PUM2: variants seen among roughly 807,000 people sequenced by gnomAD.
PUM2 encodes the protein pumilio RNA binding family member 2, also known as pumilio homolog 2.
Under a neutral mutation model 124.5 loss-of-function variants are expected in PUM2, and 57 were observed. The observed-to-expected ratio is 0.46, with a 90% CI of 0.37 to 0.57. The LOEUF is 0.57. Ranked by LOEUF, PUM2 falls within the 20% of genes least tolerant of loss-of-function variation. The pLI is 0.00. For synonymous variants in PUM2, 460 were observed against 446.1 expected (o/e 1.03, Z -0.39); for missense variants, 1,065 against 1,290.6 (o/e 0.83, Z 2.68).
At chr2:20,286,292 G>A (rs1249980199) in intron 10 of PUM2, among the ~76,000 whole-genome samples, 1 of 152,222 alleles carries the variant, frequency 6.6e-6, no homozygotes, top group Non-Finnish European at 1.5e-5. Context: ...AGAAGTGACA[G>A]TAGAAAGGTA....
chr2:20,303,740 C>A (rs964288756), intron 7 of PUM2, among the ~76,000 whole-genome samples: 2 of 152,136 alleles, frequency 1.3e-5, no homozygotes, highest in East Asian at 1.9e-4. Context: ...CGTTTTATAT[C>A]CTAATTCATT....
At chr2:20,263,045 A>G in intron 14 of PUM2, 148 bp downstream of exon 14, 1 of 723,886 alleles carries the variant, frequency 1.4e-6, no homozygotes, top group Non-Finnish European at 2.1e-6. Context: ...TTATCCTAAC[A>G]TGAAAGAAAA....
intron 2 of PUM2, among the ~76,000 whole-genome samples, chr2:20,324,242 C>A (rs1387538953): frequency 6.6e-6 from 1 of 152,110 alleles, no homozygotes; most frequent in Non-Finnish European, 1.5e-5. Flanking sequence ...AGGGAGAGAT[C>A]TAGGAGAAAA....
At chr2:20,302,262 A>T (rs1389594435) in intron 7 of PUM2, among the ~76,000 whole-genome samples, 3 of 152,202 alleles carry the variant, frequency 2.0e-5, no homozygotes, top group Non-Finnish European at 4.4e-5. Flanking sequence ...ATTATTTTCC[A>T]GGAAAACTGT....
At chr2:20,280,896 G>A (rs1229821250) in intron 12 of PUM2, among the ~76,000 whole-genome samples, 1 of 152,102 alleles carries the variant, frequency 6.6e-6, no homozygotes, top group East Asian at 1.9e-4. Flanking sequence ...TATATGTTAC[G>A]ATGTTTAGGC....
intron 2 of PUM2, among the ~76,000 whole-genome samples, chr2:20,321,503 A>C (rs1182189064): frequency 6.6e-6 from 1 of 152,152 alleles, no homozygotes; most frequent in Admixed American, 6.5e-5. Flanking sequence ...ATATTCTAAA[A>C]ACTATTTGCT....
intron 7 of PUM2, among the ~76,000 whole-genome samples, chr2:20,303,215 T>A (rs574131250): frequency 6.6e-6 from 1 of 152,296 alleles, no homozygotes; most frequent in Admixed American, 6.5e-5. Context: ...TTCTACTGCA[T>A]CAGGCAGTGA....
intron 13 of PUM2, among the ~76,000 whole-genome samples, chr2:20,264,193 C>A (rs1456101527): frequency 6.7e-6 from 1 of 149,892 alleles, no homozygotes; most frequent in African/African-American, 2.4e-5. Flanking sequence ...AAAAATTAGC[C>A]AGGCGTGGTG....
chr2:20,312,167 A>C, intron 4 of PUM2, 69 bp downstream of exon 4: 5 of 1,377,620 alleles, frequency 3.6e-6, no homozygotes, highest in Non-Finnish European at 4.9e-6. Flanking sequence ...AATTGAATTA[A>C]AAATAAAAGT....
intron 10 of PUM2, among the ~76,000 whole-genome samples, chr2:20,289,192 C>T (rs905372349): frequency 5.3e-5 from 8 of 152,030 alleles, no homozygotes; most frequent in African/African-American, 1.9e-4. Context: ...AGTAATAGGG[C>T]CAGCATCAAG....
intron 1 of PUM2, among the ~76,000 whole-genome samples, chr2:20,328,375 G>A (rs922100301): frequency 2.0e-4 from 31 of 151,956 alleles, no homozygotes; most frequent in African/African-American, 7.3e-4. Context: ...CTCCACATTC[G>A]CCAAAGAAAC....
At chr2:20,269,229 G>A (rs567079218) in intron 13 of PUM2, among the ~76,000 whole-genome samples, 1 of 151,912 alleles carries the variant, frequency 6.6e-6, no homozygotes, top group East Asian at 1.9e-4. Flanking sequence ...GAGACGGAGT[G>A]CCACTCTGTC....
At chr2:20,317,030 CAG>C (rs1306921411) in intron 3 of PUM2, among the ~76,000 whole-genome samples, 1 of 151,136 alleles carries the variant, frequency 6.6e-6, no homozygotes, top group Admixed American at 6.6e-5. Flanking sequence ...GACTCTGTCT[CAG>C]GGGAAAAAAA....
At chr2:20,268,048 T>C (rs900053368) in intron 13 of PUM2, among the ~76,000 whole-genome samples, 1 of 152,144 alleles carries the variant, frequency 6.6e-6, no homozygotes, top group African/African-American at 2.4e-5. Context: ...AGACCGTAAG[T>C]GAAACCACCA....
chr2:20,330,275 T>C (rs530188624), intron 1 of PUM2, among the ~76,000 whole-genome samples: 19 of 152,328 alleles, frequency 1.2e-4, no homozygotes, highest in African/African-American at 4.3e-4. Flanking sequence ...GTAAAACGTA[T>C]TTTTGGCCTT....
intron 18 of PUM2, 64 bp downstream of exon 18, chr2:20,255,152 C>A: frequency 6.6e-7 from 1 of 1,516,150 alleles, no homozygotes; most frequent in South Asian, 1.2e-5. Context: ...AATTGTATTT[C>A]TTTTAAAAAT....
chr2:20,330,789 A>T (rs1260110861), intron 1 of PUM2, among the ~76,000 whole-genome samples: 1 of 152,232 alleles, frequency 6.6e-6, no homozygotes, highest in Non-Finnish European at 1.5e-5. Flanking sequence ...CTATGTGACA[A>T]CCTACGACTT....
chr2:20,321,980 C>CA (rs573310695), intron 2 of PUM2, among the ~76,000 whole-genome samples: 333 of 144,310 alleles, frequency 2.3e-3, no homozygotes, highest in African/African-American at 4.8e-3. Flanking sequence ...CATGCTGCAT[C>CA]AAAAAAAAAA....
chr2:20,308,814 C>T (rs1678953262), intron 5 of PUM2, among the ~76,000 whole-genome samples: 1 of 152,068 alleles, frequency 6.6e-6, no homozygotes, highest in Admixed American at 6.5e-5. Flanking sequence ...TCCCTTCAAT[C>T]TGAATAACAT....
Sources: gnomAD v4.1 joint callset for allele counts (sites outside exome capture counted in the v4.1 genomes callset) on GRCh38, gnomAD v4.1.1 for gene constraint, MANE v1.5 for transcripts, NCBI Gene and HGNC (gene_info 2026-07-23, HGNC 2026-07-21) for gene names.